CD226: variants seen among roughly 807,000 people sequenced by gnomAD.
The protein encoded by CD226 is CD226 molecule, also known as CD226 antigen.
CD226 carries 24 observed loss-of-function variants against 34.9 expected under a neutral mutation model. The ratio of observed to expected loss-of-function variants is 0.69; its 90% CI spans 0.50 to 0.97. The LOEUF (loss-of-function observed/expected upper bound fraction) is 0.97, where lower values mean the gene tolerates loss of function less well. Ranked by LOEUF, CD226 falls within the 50% of genes least tolerant of loss-of-function variation. CD226 has a pLI of 0.00. For synonymous variants in CD226, 148 were observed against 147.4 expected (o/e 1.00, Z -0.03); for missense variants, 397 against 412.7 (o/e 0.96, Z 0.33).
intron 5 of CD226, among the ~76,000 whole-genome samples, chr18:69,866,390 A>G: frequency 6.6e-6 from 1 of 152,198 alleles, no homozygotes; most frequent in East Asian, 1.9e-4. Flanking sequence ...CTGCAAACCC[A>G]GAAGGAAGTT....
chr18:69,901,476 T>G (rs1351774451), intron 2 of CD226, among the ~76,000 whole-genome samples: 2 of 152,180 alleles, frequency 1.3e-5, no homozygotes, highest in Non-Finnish European at 2.9e-5. Context: ...ACAATAACAC[T>G]GACCCAAACT....
chr18:69,921,409 T>C (rs1222329273), intron 2 of CD226, among the ~76,000 whole-genome samples: 1 of 152,188 alleles, frequency 6.6e-6, no homozygotes, highest in Non-Finnish European at 1.5e-5. Context: ...GTTTGCATCC[T>C]ATCCTATCTG....
At position 69,875,969 on chromosome 18, in the gene CD226, T is replaced by C. The variant is rs187926194; in HGVS notation, c.728-2723A>G. On this transcript the variant is annotated intron_variant, in intron 3 of 5. Transcript: ENST00000582621. ...CCAACTTTTGGTTATAATGGGGACC[T>C]ACTATACAGTATGGATGGTGATACA... 3.0e-4 allele frequency among the ~76,000 whole-genome samples: 45 copies of C among 152,324 alleles called. 1 individual carries two copies. Among genetic ancestry groups the C allele is most frequent in the African/African-American group, 9.6e-4 (40 of 41,576 alleles).
At chr18:69,925,894 GC>G in intron 2 of CD226, among the ~76,000 whole-genome samples, 1 of 152,298 alleles carries the variant, frequency 6.6e-6, no homozygotes, top group Non-Finnish European at 1.5e-5. Flanking sequence ...TGTAATCCCA[GC>G]ACTTTGGGAG....
intron 2 of CD226, 123 bp downstream of exon 2, chr18:69,946,611 A>G: frequency 1.5e-6 from 1 of 680,910 alleles, no homozygotes; most frequent in Non-Finnish European, 2.5e-6. Context: ...GCATCTAGAA[A>G]TGGAATTGGA....
At chr18:69,951,429 C>T (rs150875637), upstream of CD226, among the ~76,000 whole-genome samples, 10 of 152,218 alleles carry the variant, frequency 6.6e-5, no homozygotes, top group East Asian at 1.9e-3. Flanking sequence ...CTATCTTTAT[C>T]TCCTCTCATT....
upstream of CD226, among the ~76,000 whole-genome samples, chr18:69,948,021 C>G (rs571402683): frequency 6.6e-6 from 1 of 152,176 alleles, no homozygotes; most frequent in Admixed American, 6.5e-5. Context: ...AGATCAAAAG[C>G]CCATCAGATA....
At chr18:69,884,381 G>A (rs1360635151) in intron 3 of CD226, among the ~76,000 whole-genome samples, 1 of 151,334 alleles carries the variant, frequency 6.6e-6, no homozygotes, top group East Asian at 1.9e-4. Context: ...TTCCAGGGGA[G>A]CTCCAGCTGC....
chr18:69,897,036 C>G (rs1255155156), intron 2 of CD226, among the ~76,000 whole-genome samples: 1 of 152,070 alleles, frequency 6.6e-6, no homozygotes, highest in Non-Finnish European at 1.5e-5. Flanking sequence ...TCTCTGTGTC[C>G]CTTTAGGGGA....
chr18:69,900,725 C>T (rs1236154448), intron 2 of CD226, among the ~76,000 whole-genome samples: 3 of 130,118 alleles, frequency 2.3e-5, no homozygotes, highest in South Asian at 4.9e-4. Flanking sequence ...GGCGACAGAG[C>T]GAGACTCCGT....
chr18:69,947,588 A>C lies in CD226; in HGVS notation c.-182T>G, dbSNP rs1250043743. The C allele has an allele frequency of 7.0e-6, 3 of 426,174 alleles. No individual in the cohort carries two copies. The highest frequency in any genetic ancestry group is 1.3e-5 in the Non-Finnish European group (3 of 237,726). 26.4% of individuals were successfully genotyped at this position (426,174 alleles called of 1,614,324 possible). ...GCTTAAAAGACAGGTTTGCTCCTTT[A>C]TGAGGATGGGCAGATTTGAGTTTCT... On this transcript the variant is annotated 5_prime_UTR_variant, in exon 1 of 6. Transcript: ENST00000582621.
intron 2 of CD226, among the ~76,000 whole-genome samples, chr18:69,905,582 G>C (rs2055242869): frequency 6.6e-6 from 1 of 152,182 alleles, no homozygotes. Flanking sequence ...CATGCAGAAA[G>C]ATGGACTGCA....
At position 69,858,690 on chromosome 18, in the gene CD226, T is replaced by C. The variant is rs574310215; in HGVS notation, c.*5624A>G. ...TCCATCGGGTGTCCTGGGAATTCTATGAGCCACCCCTATGTTCAAATACTT... is the reference window on the plus strand; with the variant it reads ...TCCATCGGGTGTCCTGGGAATTCTACGAGCCACCCCTATGTTCAAATACTT... On this transcript the variant is annotated 3_prime_UTR_variant, in exon 6 of 6. Transcript: ENST00000582621. 1.4e-5 allele frequency: 2 copies of C among 142,444 alleles called. No homozygotes were observed. The highest frequency in any genetic ancestry group is 2.5e-5 in the African/African-American group (1 of 39,962). 8.8% of individuals were successfully genotyped at this position (142,444 alleles called of 1,614,324 possible). A position where few individuals can be genotyped will look rare whatever the true frequency, so the allele number is the denominator to read the frequency against.
At chr18:69,889,840 G>C (rs562943502) in intron 3 of CD226, among the ~76,000 whole-genome samples, 1 of 152,224 alleles carries the variant, frequency 6.6e-6, no homozygotes, top group South Asian at 2.1e-4. Context: ...CTTAGCTGTG[G>C]CACTATGATT....
At chr18:69,942,139 T>C (rs2055733063) in intron 2 of CD226, among the ~76,000 whole-genome samples, 1 of 152,156 alleles carries the variant, frequency 6.6e-6, no homozygotes, top group Non-Finnish European at 1.5e-5. Flanking sequence ...TGTGAGTCAA[T>C]TAAACCTCTT....
intron 5 of CD226, among the ~76,000 whole-genome samples, chr18:69,865,069 T>C (rs144540465): frequency 0.013 from 2,010 of 152,274 alleles, 30 homozygotes; most frequent in African/African-American, 0.047. Context: ...CTAGGCTCAC[T>C]GCAACCCCCA....
At position 69,864,188 on chromosome 18, in the gene CD226, A is replaced by T. The variant is rs563225231; in HGVS notation, c.*126T>A. On this transcript the variant is annotated 3_prime_UTR_variant, in exon 6 of 6. Transcript: ENST00000582621. ...TTTTAGGTAATGAAGTATTTTTCCT[A>T]TCAAAGTAACTCAATTCAGACAACT... 6.9e-5 allele frequency: 53 copies of T among 770,778 alleles called. No homozygotes were observed. In the South Asian group the frequency reaches 1.0e-3, roughly 15 times the overall value. The allele number at this position is 770,778 out of a possible 1,614,324, so 47.7% of individuals were successfully genotyped here.
At position 69,873,188 on chromosome 18, in the gene CD226, C is replaced by T; in HGVS notation, c.786G>A (p.Leu262=). ...FVAGGTVLLL[L]FVISITTIIV... ...TGATGGTGGTAATTGAGATAACAAA[C>T]AACAACAATAAAACTGTCCCTCCAG... is the stretch of plus-strand genomic sequence containing the variant. The change falls in exon 4 of 6, where the codon TTG becomes TTA. Residue 262 remains leucine, a synonymous_variant. Coordinates refer to ENST00000582621, the MANE Select transcript of CD226 (RefSeq NM_001303618.2). 6.2e-7 allele frequency: 1 copy of T among 1,608,924 alleles called. No homozygotes were observed. The highest frequency in any genetic ancestry group is 8.5e-7 in the Non-Finnish European group (1 of 1,175,518).
At chr18:69,960,001 C>T (rs1050398785), upstream of CD226, among the ~76,000 whole-genome samples, 3 of 152,168 alleles carry the variant, frequency 2.0e-5, no homozygotes, top group Non-Finnish European at 4.4e-5. Flanking sequence ...AATCCCAGCA[C>T]TTTGGGAGGC....
Sources: gnomAD v4.1 joint callset for allele counts (sites outside exome capture counted in the v4.1 genomes callset) on GRCh38, gnomAD v4.1.1 for gene constraint, MANE v1.5 for transcripts, NCBI Gene and HGNC (gene_info 2026-07-23, HGNC 2026-07-21) for gene names.